EZH2: variants seen among roughly 807,000 people sequenced by gnomAD.
The protein encoded by EZH2 is histone-lysine N-methyltransferase EZH2.
EZH2 carries 18 observed loss-of-function variants against 98.4 expected under a neutral mutation model. The ratio of observed to expected loss-of-function variants is 0.18; its 90% confidence interval spans 0.13 to 0.27. The LOEUF (loss-of-function observed/expected upper bound fraction) is 0.27, where lower values mean the gene tolerates loss of function less well. Ranked by LOEUF, EZH2 falls within the 10% of genes least tolerant of loss-of-function variation. The pLI is 1.00. For missense variants in EZH2, 470 were observed against 935.1 expected (o/e 0.50, Z 6.49); for synonymous variants, 338 against 312.3 (o/e 1.08, Z -0.87).
intron 3 of EZH2, among the ~76,000 whole-genome samples, chr7:148,841,869 A>G (rs1812535308): frequency 6.6e-6 from 1 of 152,232 alleles, no homozygotes; most frequent in Non-Finnish European, 1.5e-5. Context: ...AATAATTTAC[A>G]CATTATTTTG....
chr7:148,818,381 A>C (rs1464539609), intron 9 of EZH2, among the ~76,000 whole-genome samples: 2 of 152,198 alleles, frequency 1.3e-5, no homozygotes, highest in African/African-American at 4.8e-5. Context: ...GAATTTGTAA[A>C]ATATATTAGC....
At chr7:148,819,509 G>A in intron 9 of EZH2, 87 bp downstream of exon 9, 1 of 1,055,094 alleles carries the variant, frequency 9.5e-7, no homozygotes, top group South Asian at 1.4e-5. Flanking sequence ...CATGGGTGCA[G>A]ACAACATTAA....
intron 1 of EZH2, among the ~76,000 whole-genome samples, chr7:148,867,658 T>C (rs939107791): frequency 6.6e-6 from 1 of 152,230 alleles, no homozygotes; most frequent in Non-Finnish European, 1.5e-5. Flanking sequence ...TGCAGCCAGC[T>C]TGAATTTCTC....
At chr7:148,843,509 CA>C (rs750193977) in intron 3 of EZH2, among the ~76,000 whole-genome samples, 109 of 150,458 alleles carry the variant, frequency 7.2e-4, no homozygotes, top group Non-Finnish European at 1.1e-3. Context: ...CATTCTTTAC[CA>C]AAATAACTTG....
At chr7:148,874,512 T>A (rs527729880) in intron 1 of EZH2, among the ~76,000 whole-genome samples, 2 of 152,250 alleles carry the variant, frequency 1.3e-5, no homozygotes, top group Admixed American at 6.5e-5. Context: ...TCCACAGCCA[T>A]GAGAAGACTG....
intron 11 of EZH2, chr7:148,817,011 A>C: frequency 1.7e-6 from 1 of 605,516 alleles, no homozygotes; most frequent in Non-Finnish European, 2.8e-6. Flanking sequence ...AGCTACTGCT[A>C]TCTAACCTTA....
intron 11 of EZH2, 192 bp from the exon 12 acceptor site, chr7:148,816,970 T>G: frequency 1.7e-6 from 1 of 596,044 alleles, no homozygotes; most frequent in South Asian, 2.3e-5. Flanking sequence ...AGAACTGTGA[T>G]GCTAAATTTC....
chr7:148,865,736 C>G (rs1308876262), intron 1 of EZH2, among the ~76,000 whole-genome samples: 1 of 152,180 alleles, frequency 6.6e-6, no homozygotes, highest in East Asian at 1.9e-4. Context: ...AACTTTATAT[C>G]CTAATCCCCA....
intron 1 of EZH2, among the ~76,000 whole-genome samples, chr7:148,869,535 ACTTT>A (rs1819022197): frequency 6.6e-6 from 1 of 151,770 alleles, no homozygotes; most frequent in Non-Finnish European, 1.5e-5. Context: ...ATGGGGCCTC[ACTTT>A]GTTGTCCAGG....
At chr7:148,808,026 C>T (rs1162656647) in intron 19 of EZH2, among the ~76,000 whole-genome samples, 1 of 152,176 alleles carries the variant, frequency 6.6e-6, no homozygotes, top group Non-Finnish European at 1.5e-5. Context: ...GGCTGGTCCA[C>T]ATCAGGATGC....
chr7:148,865,482 T>C (rs528389720), intron 1 of EZH2, among the ~76,000 whole-genome samples: 1 of 152,146 alleles, frequency 6.6e-6, no homozygotes, highest in Non-Finnish European at 1.5e-5. Context: ...GCTGTTCCCA[T>C]AACCTGCTGG....
intron 15 of EZH2, 34 bp from the exon 16 acceptor site, chr7:148,811,754 A>C (rs1803148356): frequency 6.4e-7 from 1 of 1,573,766 alleles, no homozygotes; most frequent in Non-Finnish European, 8.7e-7. Context: ...TCATCAAAAA[A>C]GGAGGGTGAA....
intron 4 of EZH2, among the ~76,000 whole-genome samples, 198 bp downstream of exon 4, chr7:148,832,436 A>G (rs1392086479): frequency 6.6e-6 from 1 of 152,136 alleles, no homozygotes; most frequent in Non-Finnish European, 1.5e-5. Context: ...TTTCCTTTGG[A>G]GAGTATAGGA....
chr7:148,808,973 T>G, intron 19 of EZH2, 98 bp downstream of exon 19: 1 of 941,916 alleles, frequency 1.1e-6, no homozygotes, highest in East Asian at 2.4e-5. Context: ...AAGTGACCCA[T>G]CAAAAGAAGC....
chr7:148,877,171 A>G (rs895087611), intron 1 of EZH2, among the ~76,000 whole-genome samples: 4 of 152,234 alleles, frequency 2.6e-5, no homozygotes, highest in African/African-American at 9.6e-5. Flanking sequence ...ATATTCATAT[A>G]TGAATATATT....
intron 19 of EZH2, among the ~76,000 whole-genome samples, 183 bp from the exon 20 acceptor site, chr7:148,807,889 C>T (rs926352025): frequency 1.3e-5 from 2 of 151,050 alleles, no homozygotes; most frequent in African/African-American, 2.4e-5. Context: ...GAAGGCAATG[C>T]ATAGGTCTGT....
intron 1 of EZH2, among the ~76,000 whole-genome samples, chr7:148,855,558 CAT>C (rs976517540): frequency 6.6e-6 from 1 of 152,096 alleles, no homozygotes. Context: ...ATTTACGGTG[CAT>C]AGACAGTGCC....
intron 1 of EZH2, among the ~76,000 whole-genome samples, chr7:148,875,120 G>C (rs904602510): frequency 6.6e-6 from 1 of 152,032 alleles, no homozygotes; most frequent in African/African-American, 2.4e-5. Flanking sequence ...TTCAAAACTA[G>C]TTTAATTAAA....
intron 8 of EZH2, among the ~76,000 whole-genome samples, chr7:148,821,805 G>T (rs1218022739): frequency 6.6e-6 from 1 of 152,188 alleles, no homozygotes; most frequent in East Asian, 1.9e-4. Context: ...CTCTGGCCTG[G>T]GTGACAGAGC....
Sources: gnomAD v4.1 joint callset for allele counts (sites outside exome capture counted in the v4.1 genomes callset) on GRCh38, gnomAD v4.1.1 for gene constraint, MANE v1.5 for transcripts, NCBI Gene and HGNC (gene_info 2026-07-23, HGNC 2026-07-21) for gene names.